Variants in NAV3 observed in about 807,000 individuals in gnomAD.
NAV3 encodes the protein pore membrane and/or filament interacting like protein 1.
Under a neutral mutation model 244.7 loss-of-function variants are expected in NAV3, and 87 were observed. The observed-to-expected ratio is 0.36, with a 90% CI of 0.30 to 0.42. NAV3 has a LOEUF of 0.42. Ranked by LOEUF, NAV3 falls within the 20% of genes least tolerant of loss-of-function variation. The pLI is 1.00. For missense variants in NAV3, 2,663 were observed against 2,893.3 expected (o/e 0.92, Z 1.83); for synonymous variants, 1,126 against 1,042.2 (o/e 1.08, Z -1.55).
At chr12:77,827,931 A>C (rs979846754), upstream of NAV3, among the ~76,000 whole-genome samples, 3 of 152,230 alleles carry the variant, frequency 2.0e-5, no homozygotes, top group African/African-American at 4.8e-5. Flanking sequence ...GAACTATCAA[A>C]CTACAAATCC....
chr12:78,174,739 T>C (rs1365115541), intron 24 of NAV3, among the ~76,000 whole-genome samples: 1 of 151,978 alleles, frequency 6.6e-6, no homozygotes, highest in East Asian at 1.9e-4. Context: ...TGCCTTTCAT[T>C]GGCTGTTTGA....
intron 2 of NAV3, among the ~76,000 whole-genome samples, chr12:77,789,816 GAAAAAAAAAAA>G (rs57070028): frequency 2.6e-5 from 2 of 75,662 alleles, no homozygotes; most frequent in Non-Finnish European, 5.3e-5. Flanking sequence ...GTCTCGAAAA[GAAAAAAAAAAA>G]AAAAAAAAAG....
rs377332417 is a variant in NAV3 at position 78,073,766 on chromosome 12, C to A, written c.2636+14651C>A. On this transcript the variant is annotated intron_variant, in intron 12 of 39. Transcript: ENST00000397909. ...TAAGCCAAAAAAACAAAGCTGGAGG[C>A]ATCACACTACCTGACTTCAAACTAT... is the stretch of plus-strand genomic sequence containing the variant. Among the ~76,000 whole-genome samples the A allele has an allele frequency of 4.1e-3, 619 of 152,234 alleles. 3 individuals are homozygous for A. The highest frequency in any genetic ancestry group is 0.019 in the South Asian group (92 of 4,828).
rs569156585 is a variant in NAV3, at chr12:77,791,617, G to T, written c.73-148702G>T. ...GAAGAGGAACTGAGGCTCTGCAAAG[G>T]GTAATCACTATCCCATTGTTGACTT... On this transcript the variant is annotated intron_variant, in intron 2 of 8. Transcript: ENST00000550042. Among the ~76,000 whole-genome samples the T allele has an allele frequency of 2.0e-5, 3 of 152,106 alleles. No individual in the cohort carries two copies. The East Asian group carries it at 5.8e-4, about 30-fold the overall frequency.
chr12:77,782,029 C>T (rs1338627958), intron 2 of NAV3, among the ~76,000 whole-genome samples: 1 of 152,116 alleles, frequency 6.6e-6, no homozygotes, highest in Non-Finnish European at 1.5e-5. Context: ...TCACTTGAAG[C>T]CACTATAAAA....
intron 3 of NAV3, among the ~76,000 whole-genome samples, chr12:77,960,514 C>A (rs907790324): frequency 3.4e-5 from 5 of 148,778 alleles, no homozygotes; most frequent in African/African-American, 7.4e-5. Flanking sequence ...AAGTATATAT[C>A]ATGATGTATA....
At chr12:78,089,917 T>C (rs1030974378) in intron 12 of NAV3, among the ~76,000 whole-genome samples, 1 of 152,172 alleles carries the variant, frequency 6.6e-6, no homozygotes, top group Non-Finnish European at 1.5e-5. Flanking sequence ...TTGCTCTCCC[T>C]TCAGAATCTA....
chr12:77,573,039 T>C (rs764124952), intron 2 of NAV3, among the ~76,000 whole-genome samples: 1 of 152,206 alleles, frequency 6.6e-6, no homozygotes, highest in Non-Finnish European at 1.5e-5. Context: ...GTATCATCTT[T>C]TGCAGTGCTC....
chr12:77,722,287 A>C (rs1382249384), intron 2 of NAV3, among the ~76,000 whole-genome samples: 1 of 152,058 alleles, frequency 6.6e-6, no homozygotes, highest in Non-Finnish European at 1.5e-5. Context: ...AGGGATTATA[A>C]TCATCCTTTT....
At chr12:77,792,667 G>C (rs1220322246) in intron 2 of NAV3, among the ~76,000 whole-genome samples, 1 of 152,160 alleles carries the variant, frequency 6.6e-6, no homozygotes, top group Non-Finnish European at 1.5e-5. Flanking sequence ...ACTTTCCCTA[G>C]ATTACACAGT....
chr12:78,080,000 C>A (rs1953264972), intron 12 of NAV3, among the ~76,000 whole-genome samples: 1 of 152,152 alleles, frequency 6.6e-6, no homozygotes, highest in Non-Finnish European at 1.5e-5. Flanking sequence ...ATATTAACCA[C>A]AAAAATGTAT....
rs1244223606 is a variant in NAV3 at position 78,121,862 on chromosome 12, G to C, written c.3750-78G>C. 8 of 1,554,608 alleles carry C rather than the reference G, an allele frequency of 5.1e-6. No homozygotes were observed. In the African/African-American group the frequency reaches 9.5e-5, roughly 18 times the overall value. ...AGTACATCAAAGCACACTTGGCTCT[G>C]TGTACTGTAACCCGAAATATTAAAT... On this transcript the variant is annotated intron_variant, in intron 15 of 39. Transcript: ENST00000397909.
chr12:77,994,119 G>A (rs1871916271), intron 5 of NAV3, among the ~76,000 whole-genome samples: 1 of 152,240 alleles, frequency 6.6e-6, no homozygotes, highest in Non-Finnish European at 1.5e-5. Context: ...AAAAATCATT[G>A]AGAAATGTAA....
intron 11 of NAV3, among the ~76,000 whole-genome samples, chr12:78,058,540 A>C (rs1165473726): frequency 6.6e-6 from 1 of 152,156 alleles, no homozygotes; most frequent in African/African-American, 2.4e-5. Context: ...AGCTGATATG[A>C]GGTATTAAAT....
intron 2 of NAV3, among the ~76,000 whole-genome samples, chr12:77,775,054 A>G (rs1406834069): frequency 1.3e-5 from 2 of 152,186 alleles, no homozygotes; most frequent in African/African-American, 4.8e-5. Context: ...TTACCATTTT[A>G]TATCAGGAGC....
intron 3 of NAV3, among the ~76,000 whole-genome samples, chr12:77,957,025 G>A (rs1337082910): frequency 1.3e-5 from 2 of 152,140 alleles, no homozygotes; most frequent in African/African-American, 4.8e-5. Flanking sequence ...TTACAGGCGT[G>A]AGCCACCACA....
At chr12:77,715,849 G>A (rs1480996836) in intron 2 of NAV3, among the ~76,000 whole-genome samples, 1 of 151,976 alleles carries the variant, frequency 6.6e-6, no homozygotes, top group Non-Finnish European at 1.5e-5. Context: ...AATCATTGAT[G>A]CAGAATGCCA....
At position 77,714,182 on chromosome 12, in the gene NAV3, A is replaced by G. The variant is rs566789515; in HGVS notation, c.72+141916A>G. Among the ~76,000 whole-genome samples the G allele has an allele frequency of 8.5e-4, 129 of 152,200 alleles. 1 individual carries two copies. The highest frequency in any genetic ancestry group is 3.0e-3 in the African/African-American group (123 of 41,542). ...AATCTTCCTCAGAGGTTGGGGATAT[A>G]AGGCACAGAGATGTCAGATCTCAGT... On this transcript the variant is annotated intron_variant, in intron 2 of 8. Transcript: ENST00000550042.
At chr12:77,600,493 C>T (rs1461406863) in intron 2 of NAV3, among the ~76,000 whole-genome samples, 2 of 151,914 alleles carry the variant, frequency 1.3e-5, no homozygotes, top group African/African-American at 2.4e-5. Flanking sequence ...AAGATAATTG[C>T]ATATAGGCTG....
Sources: allele counts gnomAD v4.1 joint callset (sites outside exome capture counted in the v4.1 genomes callset), GRCh38; gene constraint gnomAD v4.1.1; transcripts MANE v1.5; gene names NCBI Gene and HGNC (gene_info 2026-07-23, HGNC 2026-07-21).